C10orf105: variants seen among roughly 807,000 people sequenced by gnomAD.
C10orf105 encodes the protein uncharacterized protein C10orf105.
A neutral mutation model predicts 0.6 loss-of-function variants in C10orf105; 2 were observed. The observed-to-expected ratio is 3.18, with a 90% CI of 1.30 to 10.01. The LOEUF (loss-of-function observed/expected upper bound fraction) is 10.01, where lower values mean the gene tolerates loss of function less well. C10orf105 is among the 30% of genes most tolerant of loss of function. The pLI, the probability that C10orf105 is intolerant of heterozygous loss-of-function variation, is 0.04. For synonymous variants in C10orf105, 95 were observed against 82.4 expected (o/e 1.15, Z -0.83); for missense variants, 209 against 191.4 (o/e 1.09, Z -0.54).
At position 71,730,573 on chromosome 10, in the gene C10orf105, C is replaced by T. The variant is rs373091912; in HGVS notation, c.-6+7155G>A. On this transcript the variant is annotated intron_variant, in intron 1 of 1. Transcript: ENST00000398786. ...AGACCGCAGGCATTGGAACGTCAGT[C>T]ATCGTGGTCCAAGCCACAGACCGAG... The T allele has an allele frequency of 8.1e-6, 13 of 1,613,896 alleles. No homozygotes were observed. In the African/African-American group the frequency reaches 1.2e-4, roughly 15 times the overall value.
In C10orf105 at chr10:71,714,035, G is replaced by T. The variant is rs1158261849; in HGVS notation, c.*1901C>A. ...TACTCTTACTGAAATCCTAGAGCCA[G>T]CGAGTTAATATAGGGCAGCCCTGAG... On this transcript the variant is annotated 3_prime_UTR_variant, in exon 2 of 2. Transcript: ENST00000441508. 2.0e-5 allele frequency: 3 copies of T among 152,178 alleles called. No homozygotes were observed. The highest frequency in any genetic ancestry group is 7.2e-5 in the African/African-American group (3 of 41,440). The allele number at this position is 152,178 out of a possible 1,614,324, so 9.4% of individuals were successfully genotyped here.
chr10:71,730,960 T>G (rs1019821902), intron 1 of C10orf105, among the ~76,000 whole-genome samples: 14 of 152,362 alleles, frequency 9.2e-5, no homozygotes, highest in Admixed American at 5.2e-4. Flanking sequence ...GGCTGCGGCC[T>G]GGCCTGCTCC....
chr10:71,732,110 T>C (rs760652752), intron 1 of C10orf105: 11 of 1,614,002 alleles, frequency 6.8e-6, no homozygotes, highest in Middle Eastern at 3.3e-4. Flanking sequence ...ACCAGCTACA[T>C]GATGAATGTG....
upstream of C10orf105, among the ~76,000 whole-genome samples, chr10:71,723,413 C>A (rs113823891): frequency 1.4e-4 from 21 of 152,272 alleles, no homozygotes; most frequent in Admixed American, 3.3e-4. Flanking sequence ...ACGTCCCCCC[C>A]CACACACAAG....
chr10:71,732,180 G>A (rs1351308108), intron 1 of C10orf105: 7 of 1,613,788 alleles, frequency 4.3e-6, no homozygotes, highest in South Asian at 1.1e-5. Context: ...ACATCACTCT[G>A]CTCAACGAGC....
At chr10:71,723,980 T>A, upstream of C10orf105, 1 of 1,536,930 alleles carries the variant, frequency 6.5e-7, no homozygotes. Flanking sequence ...AAAGGAACTC[T>A]AAAAACCTCT....
chr10:71,716,555 C>T (rs1158045190), intron 1 of C10orf105: 25 of 457,990 alleles, frequency 5.5e-5, no homozygotes, highest in Non-Finnish European at 9.2e-5. Flanking sequence ...TGGGCCCAAG[C>T]TCAGGCCCTC....
In C10orf105 at chr10:71,715,816, A is replaced by T. The variant is rs1866192109; in HGVS notation, c.*120T>A. 6.2e-6 allele frequency: 6 copies of T among 966,860 alleles called. No individual in the cohort carries two copies. The East Asian group carries it at 1.9e-4, about 30-fold the overall frequency. The allele number at this position is 966,860 out of a possible 1,614,324, so 59.9% of individuals were successfully genotyped here. On this transcript the variant is annotated 3_prime_UTR_variant, in exon 2 of 2. Coordinates refer to ENST00000441508, the MANE Select transcript of C10orf105 (RefSeq NM_001164375.3). ...GGCATGCAAGGAGCTTCGGGGGGTGAGTGTGTGTCCCAGACTGCTTGGGCC... is the reference window on the plus strand; with the variant it reads ...GGCATGCAAGGAGCTTCGGGGGGTGTGTGTGTGTCCCAGACTGCTTGGGCC...
At chr10:71,726,622 C>T (rs1372386850) in intron 1 of C10orf105, among the ~76,000 whole-genome samples, 1 of 152,236 alleles carries the variant, frequency 6.6e-6, no homozygotes, top group Admixed American at 6.5e-5. Context: ...GATGGAGACT[C>T]AGACACAGTA....
rs574235458 is a variant in C10orf105, at chr10:71,712,560, G to C, written c.*3376C>G. 126 of 1,357,026 alleles carry C rather than the reference G, an allele frequency of 9.3e-5. 2 individuals carry two copies. The South Asian group carries it at 1.6e-3, about 17-fold the overall frequency. 84.1% of individuals were successfully genotyped at this position (1,357,026 alleles called of 1,614,324 possible). A position where few individuals can be genotyped will look rare whatever the true frequency, so the allele number is the denominator to read the frequency against. Reference sequence around the variant, plus strand: ...TGCAAAGGCTAGGGCAGATGGGGCGGAACAGGGCACCTCTCTGGCCGGTGC... The same window carrying C: ...TGCAAAGGCTAGGGCAGATGGGGCGCAACAGGGCACCTCTCTGGCCGGTGC... On this transcript the variant is annotated 3_prime_UTR_variant, in exon 2 of 2. Transcript: ENST00000441508.
chr10:71,721,084 T>C (rs78371597), upstream of C10orf105, among the ~76,000 whole-genome samples: 1 of 152,342 alleles, frequency 6.6e-6, no homozygotes, highest in African/African-American at 2.4e-5. Flanking sequence ...CCTCCTGAGA[T>C]GACAGAAGAC....
chr10:71,715,793 C>T lies in C10orf105; in HGVS notation c.*143G>A. On this transcript the variant is annotated 3_prime_UTR_variant, in exon 2 of 2. Coordinates refer to ENST00000441508, the MANE Select transcript of C10orf105 (RefSeq NM_001164375.3). ...CTTTGGGAAAGGGCGCTGGCCTGGG[C>T]ATGCAAGGAGCTTCGGGGGGTGAGT... 2 of 735,794 alleles carry T rather than the reference C, an allele frequency of 2.7e-6. No homozygotes were observed. The highest frequency in any genetic ancestry group is 2.5e-5 in the South Asian group (1 of 39,466). 45.6% of individuals were successfully genotyped at this position (735,794 alleles called of 1,614,324 possible).
At position 71,726,500 on chromosome 10, in the gene C10orf105, G is replaced by T. The variant is rs188465828; in HGVS notation, c.-5-10158C>A. ...CTCCTGCTGACACCTCCAACGCTTT[G>T]CCCCAAGAAGAGCTGGGAAGACACC... On this transcript the variant is annotated intron_variant, in intron 1 of 1. Transcript: ENST00000398786. 3.4e-3 allele frequency among the ~76,000 whole-genome samples: 517 copies of T among 152,286 alleles called. 3 individuals carry two copies. The highest frequency in any genetic ancestry group is 4.4e-3 in the Non-Finnish European group (302 of 68,012).
chr10:71,716,396 G>A, intron 1 of C10orf105, 54 bp from the exon 2 acceptor site: 2 of 1,412,030 alleles, frequency 1.4e-6, no homozygotes, highest in Non-Finnish European at 9.4e-7. Context: ...ACCCAGGGCA[G>A]CGGGTATAGG....
chr10:71,719,194 C>A (rs536151966), intron 1 of C10orf105, among the ~76,000 whole-genome samples: 1 of 152,206 alleles, frequency 6.6e-6, no homozygotes, highest in South Asian at 2.1e-4. Context: ...TCCTGGAGCA[C>A]GAGGCAAGTC....
intron 1 of C10orf105, among the ~76,000 whole-genome samples, chr10:71,727,987 G>A (rs1432104799): frequency 2.0e-5 from 3 of 152,148 alleles, no homozygotes; most frequent in African/African-American, 4.8e-5. Context: ...GACTCATGGA[G>A]GACAGGCCAC....
intron 1 of C10orf105, among the ~76,000 whole-genome samples, chr10:71,735,197 G>A (rs563850099): frequency 1.3e-5 from 2 of 152,302 alleles, no homozygotes; most frequent in Admixed American, 6.5e-5. Flanking sequence ...CTCTCCTGGG[G>A]GTTGGTGCAA....
chr10:71,727,364 AT>A (rs1866862071), intron 1 of C10orf105, among the ~76,000 whole-genome samples: 1 of 152,202 alleles, frequency 6.6e-6, no homozygotes, highest in Admixed American at 6.5e-5. Context: ...CCACAGGGTA[AT>A]TTTAAGGTGA....
intron 1 of C10orf105, among the ~76,000 whole-genome samples, chr10:71,727,253 T>C (rs1347698393): frequency 6.6e-6 from 1 of 152,208 alleles, no homozygotes; most frequent in African/African-American, 2.4e-5. Context: ...GAGCCAGGCT[T>C]CATGCCTTGG....
Sources: allele counts gnomAD v4.1 joint callset (sites outside exome capture counted in the v4.1 genomes callset), GRCh38; gene constraint gnomAD v4.1.1; transcripts MANE v1.5; gene names NCBI Gene and HGNC (gene_info 2026-07-23, HGNC 2026-07-21).